Variants in ZFP62 observed in about 807,000 individuals in gnomAD.
ZFP62 encodes the protein zinc finger protein 62 homolog.
ZFP62 carries 44 observed loss-of-function variants against 56.4 expected under a neutral mutation model. That is an observed-to-expected ratio of 0.78 (90% CI 0.61 to 1.00). ZFP62 has a LOEUF of 1.00. Ranked by LOEUF, ZFP62 falls within the 50% of genes least tolerant of loss-of-function variation. The pLI is 0.00. For synonymous variants in ZFP62, 421 were observed against 388.9 expected, an observed-to-expected ratio of 1.08 and a Z score of -0.97; for missense variants, 1,030 against 1,085.7, an observed-to-expected ratio of 0.95 and a Z score of 0.72.
downstream of ZFP62, chr5:180,845,742 T>C: frequency 2.0e-6 from 2 of 985,402 alleles, no homozygotes; most frequent in Non-Finnish European, 1.2e-6. Context: ...AGGTCCCCAA[T>C]GTCTGCCTTC....
At position 180,848,175 on chromosome 5, in the gene ZFP62, T is replaced by C. The variant is rs1461218455; in HGVS notation, c.*617A>G. The C allele has an allele frequency of 2.0e-6, 2 of 985,484 alleles. No homozygotes were observed. The highest frequency in any genetic ancestry group is 2.4e-6 in the Non-Finnish European group (2 of 829,946). 61.0% of individuals were successfully genotyped at this position (985,484 alleles called of 1,614,324 possible). Reference sequence around the variant, plus strand: ...TGAGTGACTCTCTCCTATCTCCTGTTAGACTTGTAAGTCTATGCTTTCTAC... The same window carrying C: ...TGAGTGACTCTCTCCTATCTCCTGTCAGACTTGTAAGTCTATGCTTTCTAC... On this transcript the variant is annotated 3_prime_UTR_variant, in exon 2 of 2. Coordinates refer to ENST00000502412, the MANE Select transcript of ZFP62 (RefSeq NM_001172638.2).
the ZFP62 span, chr5:180,831,888 C>T: frequency 7.2e-5 from 11 of 153,106 alleles, no homozygotes; most frequent in Non-Finnish European, 1.5e-4. Flanking sequence ...CGGCCTCGGC[C>T]CTCAGCTGCC....
the ZFP62 span, among the ~76,000 whole-genome samples, chr5:180,829,373 TACTCCCTGTTCGTAC>T: frequency 6.6e-6 from 1 of 152,258 alleles, no homozygotes; most frequent in African/African-American, 2.4e-5. Flanking sequence ...TCTTTGTTCC[TACTCCCTGTTCGTAC>T]ACTCCCTCCC....
rs901456143 is a variant in ZFP62 at position 180,851,160 on chromosome 5, CCT to C, written c.333_334del (p.Gly112GlnfsTer2). Reference sequence around the variant, plus strand: ...CTCCACACGTTTGCCTTGCTCACTGCCTCTCTGTCCTATAGGCATAGTCTGGT... The same window carrying C: ...CTCCACACGTTTGCCTTGCTCACTGCCTCTGTCCTATAGGCATAGTCTGGT... On this transcript the variant is annotated frameshift_variant, in exon 2 of 2. Transcript: ENST00000502412. LOFTEE classifies it high-confidence loss of function. 1.7e-5 allele frequency: 26 copies of C among 1,551,610 alleles called. No individual in the cohort carries two copies. The highest frequency in any genetic ancestry group is 2.3e-5 in the Non-Finnish European group (26 of 1,147,008).
At chr5:180,841,397 C>T in the ZFP62 span, among the ~76,000 whole-genome samples, 1 of 151,330 alleles carries the variant, frequency 6.6e-6, no homozygotes, top group African/African-American at 2.4e-5. Flanking sequence ...GTTTGGATTC[C>T]CTTTAGAATT....
At chr5:180,856,900 C>A (rs1005517302) in intron 1 of ZFP62, among the ~76,000 whole-genome samples, 2 of 137,018 alleles carry the variant, frequency 1.5e-5, no homozygotes, top group East Asian at 2.1e-4. Flanking sequence ...CTGCAGTGAG[C>A]TGAGATCGTG....
At chr5:180,861,137 C>T (rs575251789) in intron 1 of ZFP62, 82 bp downstream of exon 1, 27 of 398,724 alleles carry the variant, frequency 6.8e-5, no homozygotes, top group Non-Finnish European at 1.1e-4. Flanking sequence ...ACCCGCGGAG[C>T]AGCCAAGACC....
the ZFP62 span, among the ~76,000 whole-genome samples, chr5:180,841,766 G>C: frequency 6.6e-6 from 1 of 152,206 alleles, no homozygotes; most frequent in East Asian, 1.9e-4. Flanking sequence ...TATGAAAAAG[G>C]AAGAAGGTCC....
rs1162251458 is a variant in ZFP62, at chr5:180,849,746, G to A, written c.1749C>T (p.His583=). The A allele has an allele frequency of 1.2e-5, 19 of 1,551,726 alleles. No individual in the cohort carries two copies. In the South Asian group the frequency reaches 1.7e-4, roughly 14 times the overall value. ...LSSLINHKSV[H]PGEKPFKCDE... is the part of the protein sequence containing the mutation. ...CACACTTAAAGGGCTTCTCCCCAGG[G>A]TGTACACTTTTATGATTTATAAGGC... is the stretch of plus-strand genomic sequence containing the variant. Residue 583 remains histidine, a synonymous_variant, in exon 2 of 2, where the codon CAC becomes CAT. Transcript: ENST00000502412.
At chr5:180,827,845 T>TA in the ZFP62 span, among the ~76,000 whole-genome samples, 1 of 152,332 alleles carries the variant, frequency 6.6e-6, no homozygotes, top group East Asian at 1.9e-4. Flanking sequence ...AAAACCGCCT[T>TA]AGGGCTGGAG....
intron 1 of ZFP62, among the ~76,000 whole-genome samples, chr5:180,858,359 C>T (rs945435607): frequency 1.3e-5 from 2 of 150,304 alleles, no homozygotes; most frequent in Admixed American, 1.3e-4. Flanking sequence ...AATCTCAGCA[C>T]ATTGGGAGGC....
rs746000114 is a variant in ZFP62 at position 180,851,213 on chromosome 5, C to A, written c.282G>T (p.Leu94Phe). Residue 94 changes from leucine to phenylalanine, a missense_variant, in exon 2 of 2, where the codon TTG (leucine) becomes TTT (phenylalanine). Coordinates refer to ENST00000502412, the MANE Select transcript of ZFP62 (RefSeq NM_001172638.2). ...EQEGEASEKS[L>F]HLSPQHITHQ... Reference sequence around the variant, plus strand: ...GTGTGATATGCTGTGGGCTCAGATGCAAGCTCTTCTCAGATGCCTCACCTT... The same window carrying A: ...GTGTGATATGCTGTGGGCTCAGATGAAAGCTCTTCTCAGATGCCTCACCTT... 6.4e-7 allele frequency: 1 copy of A among 1,551,658 alleles called. No individual in the cohort carries two copies. Among genetic ancestry groups the A allele is most frequent in the South Asian group, 1.2e-5 (1 of 84,066 alleles).
At chr5:180,854,510 C>T (rs944957320) in intron 1 of ZFP62, among the ~76,000 whole-genome samples, 9 of 152,192 alleles carry the variant, frequency 5.9e-5, no homozygotes, top group Non-Finnish European at 1.2e-4. Flanking sequence ...GTGAATTCTA[C>T]GTCTAGGAGG....
chr5:180,855,406 T>C (rs574912690), intron 1 of ZFP62, among the ~76,000 whole-genome samples: 45 of 152,314 alleles, frequency 3.0e-4, no homozygotes, highest in African/African-American at 1.1e-3. Context: ...TCATGCCTCA[T>C]TTCTTCCACG....
chr5:180,839,888 G>T, the ZFP62 span, among the ~76,000 whole-genome samples: 2 of 152,172 alleles, frequency 1.3e-5, no homozygotes, highest in Non-Finnish European at 2.9e-5. Flanking sequence ...TGCTGAATTT[G>T]TTTTTTCTCT....
the ZFP62 span, among the ~76,000 whole-genome samples, chr5:180,837,585 GTCTA>G: frequency 6.6e-6 from 1 of 152,198 alleles, no homozygotes; most frequent in Non-Finnish European, 1.5e-5. Flanking sequence ...GATTAACTCA[GTCTA>G]TCTATTGGGA....
downstream of ZFP62, among the ~76,000 whole-genome samples, chr5:180,844,785 T>G (rs1022428485): frequency 6.6e-6 from 1 of 152,168 alleles, no homozygotes; most frequent in Non-Finnish European, 1.5e-5. Context: ...TCATGTTTCT[T>G]CTCAAGTTTT....
intron 1 of ZFP62, among the ~76,000 whole-genome samples, chr5:180,859,569 A>T (rs1774195859): frequency 6.6e-6 from 1 of 152,258 alleles, no homozygotes; most frequent in African/African-American, 2.4e-5. Flanking sequence ...GAAATAGAAC[A>T]TTCTCATGCC....
chr5:180,860,689 C>CAAAAAAAAAAAAAAAAAAAAAAAAA (rs111743384), intron 1 of ZFP62: 1 of 124,340 alleles, frequency 8.0e-6, no homozygotes, highest in African/African-American at 3.1e-5. Context: ...ACTCACCGAC[C>CAAAAAAAAAAAAAAAAAAAAAAAAA]AAAAAAAAAA....
Sources: gnomAD v4.1 joint callset for allele counts (sites outside exome capture counted in the v4.1 genomes callset) on GRCh38, gnomAD v4.1.1 for gene constraint, MANE v1.5 for transcripts, NCBI Gene and HGNC (gene_info 2026-07-23, HGNC 2026-07-21) for gene names.